The following SETD2 variants were observed in gnomAD, a reference collection of about 807,000 sequenced individuals.
SETD2 encodes the protein histone-lysine N-methyltransferase SETD2.
A neutral mutation model predicts 242.1 loss-of-function variants in SETD2; 31 were observed. The observed-to-expected ratio is 0.13, with a 90% CI of 0.10 to 0.17. The LOEUF (loss-of-function observed/expected upper bound fraction) is 0.17. Among genes scored for constraint, SETD2 ranks in the 10% least tolerant of loss-of-function variants. The probability of loss-of-function intolerance (pLI) is 1.00; values close to 1 mark genes in which losing one functional copy is unlikely to be tolerated. For synonymous variants in SETD2, 1,006 were observed against 1,066.5 expected, an observed-to-expected ratio of 0.94 and a Z score of 1.11; for missense variants, 2,481 against 3,046.3, an observed-to-expected ratio of 0.81 and a Z score of 4.37.
chr3:47,146,898 T>C (rs900683616), intron 1 of SETD2, among the ~76,000 whole-genome samples: 1 of 151,642 alleles, frequency 6.6e-6, no homozygotes, highest in Non-Finnish European at 1.5e-5. Context: ...CAGGTTTGCA[T>C]TACTAGTCCA....
At chr3:47,133,906 A>G (rs2043536475) in intron 1 of SETD2, among the ~76,000 whole-genome samples, 1 of 152,244 alleles carries the variant, frequency 6.6e-6, no homozygotes, top group African/African-American at 2.4e-5. Flanking sequence ...GAAAACTCAA[A>G]GACAGGAAAA....
chr3:47,138,342 T>A, intron 1 of SETD2: 1 of 226,440 alleles, frequency 4.4e-6, no homozygotes, highest in Non-Finnish European at 9.4e-6. Flanking sequence ...CGATCTCAGC[T>A]CACTGCAACC....
At chr3:47,129,074 A>G (rs1041973460) in intron 1 of SETD2, among the ~76,000 whole-genome samples, 3 of 152,182 alleles carry the variant, frequency 2.0e-5, no homozygotes, top group African/African-American at 7.2e-5. Flanking sequence ...GGCTCAGGTT[A>G]TATTGTAAAT....
rs1447738037 is a variant in SETD2, at chr3:47,121,395, C to T, written c.3241G>A (p.Glu1081Lys). The T allele has an allele frequency of 6.2e-7, 1 of 1,610,052 alleles. No homozygotes were observed. The highest frequency in any genetic ancestry group is 8.5e-7 in the Non-Finnish European group (1 of 1,180,012). ...CGAGAAGAACAAGGACTTGTTTCTTCCATGGGCAAAGTAGAATTCTTTGGC... is the reference window on the plus strand; with the variant it reads ...CGAGAAGAACAAGGACTTGTTTCTTTCATGGGCAAAGTAGAATTCTTTGGC... The part of the protein sequence containing the change: ...VVPKNSTLPM[E>K]ETSPCSSRSS... The change falls in exon 3 of 21, where the codon GAA becomes AAA. Residue 1081 changes from glutamate to lysine, a missense_variant. Glu to Lys is a moderately conservative substitution (Grantham distance 56). This residue lies in a region of SETD2 where 1,300 missense variants were observed against 1,259.2 expected (regional missense o/e 1.03). Transcript: ENST00000409792.
intron 12 of SETD2, among the ~76,000 whole-genome samples, chr3:47,073,963 TCAA>T (rs935479660): frequency 6.6e-6 from 1 of 152,174 alleles, no homozygotes; most frequent in African/African-American, 2.4e-5. Flanking sequence ...AGACTGTAGC[TCAA>T]CAACACTAAT....
chr3:47,117,001 C>T (rs2042880411), intron 3 of SETD2, among the ~76,000 whole-genome samples: 2 of 151,902 alleles, frequency 1.3e-5, no homozygotes, highest in Admixed American at 1.3e-4. Context: ...TGCCACCACG[C>T]TTGGTTTTTG....
At chr3:47,051,555 G>T (rs1477085217) in intron 15 of SETD2, among the ~76,000 whole-genome samples, 1 of 152,042 alleles carries the variant, frequency 6.6e-6, no homozygotes, top group African/African-American at 2.4e-5. Context: ...TCCTTTTAAA[G>T]CTCCCCCTAA....
chr3:47,122,982 C>T lies in SETD2; in HGVS notation c.1654G>A (p.Ala552Thr), dbSNP rs1258519174. 2 of 1,613,904 alleles carry T rather than the reference C, an allele frequency of 1.2e-6. No homozygotes were observed. The highest frequency in any genetic ancestry group is 1.1e-5 in the South Asian group (1 of 91,068). The change falls in exon 3 of 21, where the codon GCT becomes ACT. Residue 552 changes from alanine to threonine, a missense_variant. Physicochemically the swap from Ala to Thr is moderately conservative, Grantham distance 58 (BLOSUM62 0). Transcript: ENST00000409792. ...GSSYSKHDSS[A>T]SRYKSTLSKP... ...GAAAGGGTAGATTTATAACGGGAAG[C>T]ACTACTGTCATGCTTAGAATATGAT...
At position 47,120,348 on chromosome 3, in the gene SETD2, C is replaced by T. The variant is rs2107740574; in HGVS notation, c.4288G>A (p.Glu1430Lys). 1 of 1,613,520 alleles carries T rather than the reference C, an allele frequency of 6.2e-7. No individual in the cohort carries two copies. Among genetic ancestry groups the T allele is most frequent in the South Asian group, 1.1e-5 (1 of 90,950 alleles). Residue 1430 changes from glutamate to lysine, a missense_variant, in exon 3 of 21, where the codon GAG becomes AAG. Around this residue, in one of 17 missense-constraint regions of SETD2, gnomAD observed 1,300 missense variants for 1,259.2 expected, o/e 1.03. Coordinates refer to ENST00000409792, the MANE Select transcript of SETD2 (RefSeq NM_014159.7). The part of the protein sequence containing the change: ...ELQDRKKVRV[E>K]VEQGETSVPP... ...ACTGATGTCTCTCCCTGCTCTACCT[C>T]CACTCTAACTTTCTTTCTGTCCTGA...
chr3:47,040,398 C>G (rs188474322), intron 17 of SETD2, among the ~76,000 whole-genome samples: 1 of 152,194 alleles, frequency 6.6e-6, no homozygotes, highest in Admixed American at 6.5e-5. Flanking sequence ...ATAAAGAAAT[C>G]TAACACTGGA....
rs34978514 is a variant in SETD2, at chr3:47,033,652, ATTTTTTTTTT to A, written c.7350+4004_7350+4013del. ...AAGTTATAAGCCCTGTCATGGTTTG[ATTTTTTTTTT>A]TTTTTTTTTTTTTTTTGAGACAGAG... On this transcript the variant is annotated intron_variant, in intron 18 of 20. Coordinates refer to ENST00000409792, the MANE Select transcript of SETD2 (RefSeq NM_014159.7). 7.7e-5 allele frequency among the ~76,000 whole-genome samples: 7 copies of A among 90,856 alleles called. No individual in the cohort carries two copies. In the South Asian group the frequency reaches 2.2e-3, roughly 28 times the overall value. 59.6% of individuals were successfully genotyped at this position (90,856 alleles called of 152,430 possible). A position where few individuals can be genotyped will look rare whatever the true frequency, so the allele number is the denominator to read the frequency against.
At chr3:47,074,633 T>G (rs2040970314) in intron 12 of SETD2, among the ~76,000 whole-genome samples, 2 of 152,202 alleles carry the variant, frequency 1.3e-5, no homozygotes, top group South Asian at 4.1e-4. Context: ...ACTACAAAGC[T>G]AAGAGTAGGA....
chr3:47,089,918 G>T (rs2041723903), intron 9 of SETD2, among the ~76,000 whole-genome samples: 1 of 152,062 alleles, frequency 6.6e-6, no homozygotes, highest in Admixed American at 6.6e-5. Flanking sequence ...GCTCAAACAG[G>T]TAAGGCATGG....
Position 47,123,038 on chromosome 3 carries a change from G to T in SETD2, c.1598C>A (p.Pro533His), listed in dbSNP as rs2106693870. 1 of 1,614,056 alleles carries T rather than the reference G, an allele frequency of 6.2e-7. No individual in the cohort carries two copies. Among genetic ancestry groups the T allele is most frequent in the Non-Finnish European group, 8.5e-7 (1 of 1,179,962 alleles). The change falls in exon 3 of 21, where the codon CCC (proline) becomes CAC (histidine). Residue 533 changes from proline (P) to histidine (H), a missense_variant. This residue lies in a region of SETD2 where 1,300 missense variants were observed against 1,259.2 expected (regional missense o/e 1.03). Transcript: ENST00000409792. ...TCGTCGGAATCCCAGTTCATTAGGGGGAGAACAACATCTTTTAATTGCTTC... is the reference window on the plus strand; with the variant it reads ...TCGTCGGAATCCCAGTTCATTAGGGTGAGAACAACATCTTTTAATTGCTTC... ...ENEAIKRCCS[P>H]PNELGFRRGS...
intron 12 of SETD2, 105 bp from the exon 13 acceptor site, chr3:47,067,223 G>T: frequency 2.4e-6 from 2 of 848,384 alleles, no homozygotes; most frequent in Non-Finnish European, 4.0e-6. Flanking sequence ...AAAGTAACAA[G>T]CTGGTACTTA....
intron 5 of SETD2, among the ~76,000 whole-genome samples, chr3:47,108,707 G>A (rs976908496): frequency 2.6e-5 from 4 of 152,140 alleles, no homozygotes; most frequent in Admixed American, 2.0e-4. Flanking sequence ...GTTTGAGCTT[G>A]AGGAAGCAGC....
intron 1 of SETD2, among the ~76,000 whole-genome samples, chr3:47,133,223 T>C (rs1330251325): frequency 2.0e-5 from 3 of 152,188 alleles, no homozygotes; most frequent in Non-Finnish European, 4.4e-5. Context: ...AAATATATTT[T>C]AATACATATT....
intron 17 of SETD2, among the ~76,000 whole-genome samples, chr3:47,038,820 G>A (rs1472038367): frequency 1.3e-5 from 2 of 152,210 alleles, no homozygotes; most frequent in Non-Finnish European, 2.9e-5. Flanking sequence ...GGAGTCTGAA[G>A]CCAGCTGTAA....
At chr3:47,132,665 G>A (rs984035286) in intron 1 of SETD2, among the ~76,000 whole-genome samples, 5 of 19,338 alleles carry the variant, frequency 2.6e-4, no homozygotes, top group South Asian at 2.5e-3. Flanking sequence ...ACTGAATTTC[G>A]TAACTACAAA....
Sources: allele counts gnomAD v4.1 joint callset (sites outside exome capture counted in the v4.1 genomes callset), GRCh38; gene constraint gnomAD v4.1.1; regional missense constraint gnomAD v4.1.1; transcripts MANE v1.5; gene names NCBI Gene and HGNC (gene_info 2026-07-23, HGNC 2026-07-21).